CASQ2: variants seen among roughly 807,000 people sequenced by gnomAD.
CASQ2 encodes the protein calsequestrin-2.
Under a neutral mutation model 46.5 loss-of-function variants are expected in CASQ2, and 49 were observed. The ratio of observed to expected loss-of-function variants is 1.05; its 90% CI spans 0.84 to 1.34. CASQ2 has a LOEUF of 1.34. Among genes scored for constraint, CASQ2 ranks in the 40% most tolerant of loss-of-function variants. CASQ2 has a pLI of 0.00. For missense variants in CASQ2, 486 were observed against 481.3 expected (o/e 1.01, Z -0.09); for synonymous variants, 174 against 168.5 (o/e 1.03, Z -0.25).
chr1:115,768,159 AAGGGCATCTGATTCACGTG>A (rs1214654420), intron 1 of CASQ2, 130 bp downstream of exon 1: 10 of 679,358 alleles, frequency 1.5e-5, no homozygotes, highest in Non-Finnish European at 2.7e-5. Flanking sequence ...GCTGTGTGAC[AAGGGCATCTGATTCACGTG>A]AGGCCAAAAT....
Position 115,761,533 on chromosome 1 carries a change from T to C in CASQ2, c.234+6775A>G, listed in dbSNP as rs75468992. 1.8e-3 allele frequency among the ~76,000 whole-genome samples: 224 copies of C among 124,450 alleles called. 9 individuals carry two copies. The East Asian group carries it at 0.055, about 31-fold the overall frequency. The allele number at this position is 124,450 out of a possible 152,430, so 81.6% of individuals were successfully genotyped here. A position where few individuals can be genotyped will look rare whatever the true frequency, so the allele number is the denominator to read the frequency against. ...GAAGAAGAAGAAGAAGAAGAAGAGT[T>C]CATAAAGTGCACATGAGTCTTGTCA... On this transcript the variant is annotated intron_variant, in intron 1 of 10. Coordinates refer to ENST00000261448, the MANE Select transcript of CASQ2 (RefSeq NM_001232.4).
intron 5 of CASQ2, among the ~76,000 whole-genome samples, chr1:115,728,460 CA>C (rs1647670312): frequency 6.6e-6 from 1 of 151,982 alleles, no homozygotes; most frequent in Admixed American, 6.6e-5. Context: ...TCCCTCTTCT[CA>C]GGGGTAGGGG....
rs1166999447 is a variant in CASQ2, at chr1:115,744,928, GA to G, written c.235-17del. 3 of 1,577,832 alleles carry G rather than the reference GA, an allele frequency of 1.9e-6. No homozygotes were observed. In the South Asian group the frequency reaches 3.3e-5, roughly 18 times the overall value. ...GGGCCACAAGCTGAAGAAACAAATG[GA>G]AAGATGAGTGTGCTAAGGGCAGAAA... On this transcript the variant is annotated splice_polypyrimidine_tract_variant and intron_variant, in intron 1 of 10. Coordinates refer to ENST00000261448, the MANE Select transcript of CASQ2 (RefSeq NM_001232.4).
intron 5 of CASQ2, among the ~76,000 whole-genome samples, chr1:115,730,091 T>A (rs923252050): frequency 6.6e-6 from 1 of 152,190 alleles, no homozygotes; most frequent in Non-Finnish European, 1.5e-5. Flanking sequence ...TATTAATAGA[T>A]CAGTACTGGT....
At position 115,768,676 on chromosome 1, in the gene CASQ2, G is replaced by T; in HGVS notation, c.-135C>A. On this transcript the variant is annotated 5_prime_UTR_variant, in exon 1 of 11. Coordinates refer to ENST00000261448, the MANE Select transcript of CASQ2 (RefSeq NM_001232.4). The stretch of plus-strand genomic sequence containing the variant: ...TCTCTTCTTTGCCCTTCCTGGGGCT[G>T]AAAAGTGACTCTTCACCTCCTTGGG... 3 of 687,942 alleles carry T rather than the reference G, an allele frequency of 4.4e-6. No homozygotes were observed. Among genetic ancestry groups the T allele is most frequent in the Non-Finnish European group, 7.7e-6 (3 of 388,016 alleles). The allele number at this position is 687,942 out of a possible 1,614,324, so 42.6% of individuals were successfully genotyped here. A position where few individuals can be genotyped will look rare whatever the true frequency, so the allele number is the denominator to read the frequency against.
intron 8 of CASQ2, among the ~76,000 whole-genome samples, chr1:115,712,343 G>A (rs1400091153): frequency 3.3e-5 from 5 of 152,254 alleles, no homozygotes; most frequent in African/African-American, 4.8e-5. Context: ...TTCTCCTGGC[G>A]CTAAGATCCC....
intron 6 of CASQ2, among the ~76,000 whole-genome samples, chr1:115,726,116 C>T (rs1647579225): frequency 6.6e-6 from 1 of 152,206 alleles, no homozygotes; most frequent in Admixed American, 6.5e-5. Context: ...CCAAGTACTG[C>T]CTTCCTGAAG....
intron 8 of CASQ2, among the ~76,000 whole-genome samples, chr1:115,706,677 G>A (rs1186161795): frequency 6.6e-6 from 1 of 152,192 alleles, no homozygotes; most frequent in Non-Finnish European, 1.5e-5. Context: ...TTGAATACAA[G>A]TAACTCACCA....
intron 1 of CASQ2, among the ~76,000 whole-genome samples, chr1:115,748,913 A>G (rs1294253317): frequency 6.6e-6 from 1 of 152,218 alleles, no homozygotes; most frequent in Non-Finnish European, 1.5e-5. Flanking sequence ...AGAATCACCC[A>G]GGGACTAAAG....
chr1:115,745,746 CT>C (rs11346537), intron 1 of CASQ2, among the ~76,000 whole-genome samples: 41,507 of 152,042 alleles, frequency 0.27, 6,073 homozygotes, highest in East Asian at 0.43. Context: ...ATTAATACTA[CT>C]TTTTTTAGTT....
At chr1:115,705,813 C>T (rs760929836) in intron 8 of CASQ2, among the ~76,000 whole-genome samples, 2 of 151,716 alleles carry the variant, frequency 1.3e-5, no homozygotes, top group Non-Finnish European at 2.9e-5. Context: ...ATGGGGCTTC[C>T]CTCCCTCCCT....
At chr1:115,701,922 C>CT (rs1223447372) in intron 10 of CASQ2, among the ~76,000 whole-genome samples, 1 of 144,660 alleles carries the variant, frequency 6.9e-6, no homozygotes, top group Non-Finnish European at 1.5e-5. Flanking sequence ...GGCCCCCATT[C>CT]TTTTTTATTT....
intron 6 of CASQ2, 39 bp downstream of exon 6, chr1:115,726,953 G>T (rs754640089): frequency 1.6e-5 from 10 of 607,702 alleles, no homozygotes; most frequent in African/African-American, 1.3e-4. Flanking sequence ...CCATTCCCCA[G>T]ACCCCAGGCC....
At chr1:115,731,520 G>A (rs1647782912) in intron 5 of CASQ2, among the ~76,000 whole-genome samples, 1 of 152,056 alleles carries the variant, frequency 6.6e-6, no homozygotes, top group South Asian at 2.1e-4. Context: ...CCACTTCCTG[G>A]GCCTAGATGA....
intron 8 of CASQ2, among the ~76,000 whole-genome samples, chr1:115,712,871 AAG>A (rs1553193127): frequency 4.4e-4 from 67 of 151,034 alleles, no homozygotes; most frequent in African/African-American, 1.6e-3. Flanking sequence ...AAAAAAAAGA[AAG>A]AAAGAAAGAA....
At chr1:115,726,282 A>G (rs1647587834) in intron 6 of CASQ2, among the ~76,000 whole-genome samples, 2 of 152,158 alleles carry the variant, frequency 1.3e-5, no homozygotes, top group Non-Finnish European at 2.9e-5. Flanking sequence ...GGGTCAAAAA[A>G]CTACAGCTGG....
intron 1 of CASQ2, among the ~76,000 whole-genome samples, chr1:115,767,519 T>C (rs1480769886): frequency 1.3e-5 from 2 of 152,200 alleles, no homozygotes; most frequent in African/African-American, 4.8e-5. Flanking sequence ...TGATGAGGCA[T>C]CTTGGTGCCC....
In CASQ2 at chr1:115,729,344, C is replaced by T. The variant is rs564577616; in HGVS notation, c.607-2222G>A. On this transcript the variant is annotated intron_variant, in intron 5 of 10. Coordinates refer to ENST00000261448, the MANE Select transcript of CASQ2 (RefSeq NM_001232.4). ...CTGGGATTACAGGCGTGAGCCACTG[C>T]GCCCGACCCCCTCTTTCATTCTTAT... Among the ~76,000 whole-genome samples, 748 of 152,162 alleles carry T rather than the reference C, an allele frequency of 4.9e-3. 7 individuals carry two copies. Among genetic ancestry groups the T allele is most frequent in the Middle Eastern group, 0.017 (5 of 294 alleles).
chr1:115,712,440 C>T (rs1425572790), intron 8 of CASQ2, among the ~76,000 whole-genome samples: 2 of 152,154 alleles, frequency 1.3e-5, no homozygotes, highest in Non-Finnish European at 2.9e-5. Context: ...CGGGGCTGGA[C>T]TGCTGGGTTT....
Sources: allele counts gnomAD v4.1 joint callset (sites outside exome capture counted in the v4.1 genomes callset), GRCh38; gene constraint gnomAD v4.1.1; transcripts MANE v1.5; gene names NCBI Gene and HGNC (gene_info 2026-07-23, HGNC 2026-07-21).